Variants in ITPR2 observed in about 807,000 individuals in gnomAD.
The protein encoded by ITPR2 is inositol 1,4,5-trisphosphate-gated calcium channel ITPR2.
A neutral mutation model predicts 317.1 loss-of-function variants in ITPR2; 207 were observed. The ratio of observed to expected loss-of-function variants is 0.65; its 90% CI spans 0.58 to 0.73. The LOEUF is 0.73. Ranked by LOEUF, ITPR2 falls within the 30% of genes least tolerant of loss-of-function variation. The pLI, the probability that ITPR2 is intolerant of heterozygous loss-of-function variation, is 0.00. For synonymous variants in ITPR2, 1,156 were observed against 1,149.1 expected (o/e 1.01, Z -0.12); for missense variants, 2,613 against 3,284.0 (o/e 0.80, Z 4.99).
chr12:26,619,397 C>T (rs1946445277), intron 26 of ITPR2, among the ~76,000 whole-genome samples: 1 of 152,150 alleles, frequency 6.6e-6, no homozygotes, highest in Non-Finnish European at 1.5e-5. Flanking sequence ...GGCCATCTAT[C>T]GTTCTCCCAG....
intron 37 of ITPR2, among the ~76,000 whole-genome samples, chr12:26,504,796 A>G (rs1228179515): frequency 1.3e-5 from 2 of 152,238 alleles, no homozygotes; most frequent in African/African-American, 2.4e-5. Flanking sequence ...CAAGCAAAAC[A>G]TCACCTGGAA....
intron 2 of ITPR2, among the ~76,000 whole-genome samples, chr12:26,780,374 C>G (rs571115803): frequency 6.6e-6 from 1 of 152,192 alleles, no homozygotes; most frequent in African/African-American, 2.4e-5. Flanking sequence ...CTATCCTGCA[C>G]GCAATGCTTC....
At chr12:26,629,581 G>A (rs1341853972) in intron 22 of ITPR2, among the ~76,000 whole-genome samples, 1 of 126,004 alleles carries the variant, frequency 7.9e-6, no homozygotes, top group Non-Finnish European at 1.6e-5. Flanking sequence ...GCAAGACCCT[G>A]TCTCAAAAAA....
In ITPR2 at chr12:26,415,492, C is replaced by G. The variant is rs1243637591; in HGVS notation, c.7117G>C (p.Asp2373His). 1 of 1,537,564 alleles carries G rather than the reference C, an allele frequency of 6.5e-7. No individual in the cohort carries two copies. The highest frequency in any genetic ancestry group is 8.7e-7 in the Non-Finnish European group (1 of 1,145,536). ...HEFFYSFLLFDLVYREETLLN... is the reference protein window; with the variant it reads ...HEFFYSFLLFHLVYREETLLN... Reference sequence around the variant, plus strand: ...AAAGTCTCTTCCCTGTACACCAAATCAAAAAGCTACAAAGATAAAGAAAAC... The same window carrying G: ...AAAGTCTCTTCCCTGTACACCAAATGAAAAAGCTACAAAGATAAAGAAAAC... The change falls in exon 51 of 57, where the codon GAT (aspartate) becomes CAT (histidine). Residue 2373 changes from aspartate to histidine, a missense_variant. Asp to His is a moderately conservative substitution (Grantham distance 81). Transcript: ENST00000381340.
At chr12:26,460,460 C>A (rs2136781665) in intron 45 of ITPR2, among the ~76,000 whole-genome samples, 1 of 152,054 alleles carries the variant, frequency 6.6e-6, no homozygotes, top group African/African-American at 2.4e-5. Context: ...GCGGAGTTAA[C>A]AGAAACGAAA....
intron 48 of ITPR2, among the ~76,000 whole-genome samples, chr12:26,430,986 T>C (rs1201762678): frequency 6.6e-6 from 1 of 152,204 alleles, no homozygotes; most frequent in Non-Finnish European, 1.5e-5. Flanking sequence ...TGGTCTTTAC[T>C]ATTGTGCCTT....
chr12:26,832,530 G>A (rs1014567778), intron 1 of ITPR2, among the ~76,000 whole-genome samples, 160 bp downstream of exon 1: 1 of 152,222 alleles, frequency 6.6e-6, no homozygotes, highest in African/African-American at 2.4e-5. Context: ...GCGAGCGGGC[G>A]AGCGAGAGAG....
At chr12:26,818,264 C>T (rs1257046725) in intron 1 of ITPR2, among the ~76,000 whole-genome samples, 1 of 152,190 alleles carries the variant, frequency 6.6e-6, no homozygotes, top group African/African-American at 2.4e-5. Context: ...AACTCCTATG[C>T]GACAACTTAC....
At chr12:26,507,857 C>CTGTGTGTGTGTGTGTGTGTGTG (rs369130996) in intron 37 of ITPR2, among the ~76,000 whole-genome samples, 7 of 88,250 alleles carry the variant, frequency 7.9e-5, no homozygotes, top group African/African-American at 2.4e-4. Context: ...TCTTCTCTCT[C>CTGTGTGTGTGTGTGTGTGTGTG]TGTCTCTGTG....
intron 2 of ITPR2, among the ~76,000 whole-genome samples, chr12:26,773,029 T>C (rs988520202): frequency 6.6e-6 from 1 of 152,154 alleles, no homozygotes; most frequent in African/African-American, 2.4e-5. Context: ...CCTGTATTAG[T>C]TTGCTTAGAA....
At chr12:26,340,435 A>T in intron 55 of ITPR2, 107 bp from the exon 56 acceptor site, 1 of 1,164,824 alleles carries the variant, frequency 8.6e-7, no homozygotes, top group East Asian at 3.0e-5. Context: ...TTAGCACTCA[A>T]ATTGGAGAGA....
In ITPR2 at chr12:26,622,341, G is replaced by A. The variant is rs1268274667; in HGVS notation, c.3187C>T (p.His1063Tyr). ...GGCGGGTAGTCGTGCATGATCAGAT[G>A]AATGAGGACCCGTAAAAACGTCCTG... ...GGRTFLRVLI[H>Y]LIMHDYPPLL... Residue 1063 changes from histidine (H) to tyrosine (Y), a missense_variant, in exon 25 of 57, where the codon CAT (histidine) becomes TAT (tyrosine). By Grantham distance (83) the His-to-Tyr change is moderately conservative (BLOSUM62 2). Transcript: ENST00000381340. 1 of 1,613,866 alleles carries A rather than the reference G, an allele frequency of 6.2e-7. No individual in the cohort carries two copies. The highest frequency in any genetic ancestry group is 1.7e-5 in the Admixed American group (1 of 59,986).
intron 55 of ITPR2, among the ~76,000 whole-genome samples, chr12:26,359,067 G>A (rs546827253): frequency 6.6e-6 from 1 of 152,286 alleles, no homozygotes; most frequent in South Asian, 2.1e-4. Flanking sequence ...ATAGTCATTT[G>A]TCTCCAATAG....
At chr12:26,686,846 C>G (rs1332988621) in intron 10 of ITPR2, among the ~76,000 whole-genome samples, 1 of 152,184 alleles carries the variant, frequency 6.6e-6, no homozygotes. Flanking sequence ...GGCGGGGTGG[C>G]TTGATCTGCC....
intron 34 of ITPR2, among the ~76,000 whole-genome samples, chr12:26,574,216 A>T (rs1449305266): frequency 2.5e-5 from 3 of 121,994 alleles, no homozygotes; most frequent in Admixed American, 8.5e-5. Context: ...GGAACCTGTT[A>T]AAAAAAAAAA....
chr12:26,791,673 A>T lies in ITPR2; in HGVS notation c.93-1446T>A, dbSNP rs78927475. Reference sequence around the variant, plus strand: ...ACAAGAGCTGCCAGGCATGCAAGAAATTCCTTTTAAGAGTCTCTAGAAACT... The same window carrying T: ...ACAAGAGCTGCCAGGCATGCAAGAATTTCCTTTTAAGAGTCTCTAGAAACT... On this transcript the variant is annotated intron_variant, in intron 1 of 56. Coordinates refer to ENST00000381340, the MANE Select transcript of ITPR2 (RefSeq NM_002223.4). Among the ~76,000 whole-genome samples the T allele has an allele frequency of 6.6e-5, 10 of 152,328 alleles. No individual in the cohort carries two copies. The East Asian group carries it at 1.7e-3, about 26-fold the overall frequency.
intron 1 of ITPR2, among the ~76,000 whole-genome samples, chr12:26,798,512 G>C (rs1192253476): frequency 6.6e-6 from 1 of 152,178 alleles, no homozygotes; most frequent in Non-Finnish European, 1.5e-5. Flanking sequence ...CCAGCACTAA[G>C]TGGTTTTGTT....
chr12:26,462,386 G>C (rs1444264306), intron 45 of ITPR2, among the ~76,000 whole-genome samples: 1 of 152,102 alleles, frequency 6.6e-6, no homozygotes, highest in Admixed American at 6.6e-5. Context: ...TTTGCCACTG[G>C]TAAAAATAGT....
chr12:26,471,983 G>A (rs1416597744), intron 45 of ITPR2, among the ~76,000 whole-genome samples: 1 of 152,178 alleles, frequency 6.6e-6, no homozygotes, highest in African/African-American at 2.4e-5. Flanking sequence ...TTAGGGATTG[G>A]CCTGCTAAGA....
Sources: gnomAD v4.1 joint callset for allele counts (sites outside exome capture counted in the v4.1 genomes callset) on GRCh38, gnomAD v4.1.1 for gene constraint, MANE v1.5 for transcripts, NCBI Gene and HGNC (gene_info 2026-07-23, HGNC 2026-07-21) for gene names.